MCC: variants seen among roughly 807,000 people sequenced by gnomAD.
The protein encoded by MCC is colorectal mutant cancer protein.
A neutral mutation model predicts 116.2 loss-of-function variants in MCC; 90 were observed. The observed-to-expected ratio is 0.77, with a 90% CI of 0.65 to 0.92. The LOEUF (loss-of-function observed/expected upper bound fraction) is 0.92. Among genes scored for constraint, MCC ranks in the 40% least tolerant of loss-of-function variants. The pLI, the probability that MCC is intolerant of heterozygous loss-of-function variation, is 0.00. For missense variants in MCC, 1,516 were observed against 1,312.2 expected (o/e 1.16, Z -2.40); for synonymous variants, 578 against 510.5 (o/e 1.13, Z -1.78).
At chr5:113,378,025 A>G (rs917654216) in intron 2 of MCC, among the ~76,000 whole-genome samples, 1 of 152,196 alleles carries the variant, frequency 6.6e-6, no homozygotes. Context: ...AATGAAATCT[A>G]ATAGTAGCAT....
At chr5:113,267,568 C>A (rs1268043204) in intron 3 of MCC, among the ~76,000 whole-genome samples, 1 of 152,160 alleles carries the variant, frequency 6.6e-6, no homozygotes, top group East Asian at 1.9e-4. Flanking sequence ...CACCTGATGG[C>A]CAAACCAAAA....
rs869214073 is a variant in MCC, at chr5:113,327,561, A to AATAT, written c.627+12954_627+12957dup. On this transcript the variant is annotated intron_variant, in intron 3 of 18. Transcript: ENST00000408903. ...ACTCAGTCTCAAAAAAAAAAAAAAA[A>AATAT]ATATATATATATATATATATATATA... Among the ~76,000 whole-genome samples, 184 of 80,530 alleles carry AATAT rather than the reference A, an allele frequency of 2.3e-3. 3 individuals are homozygous for AATAT. Among genetic ancestry groups the AATAT allele is most frequent in the South Asian group, 4.0e-3 (10 of 2,502 alleles). 52.8% of individuals were successfully genotyped at this position (80,530 alleles called of 152,430 possible).
At chr5:113,075,324 C>T (rs576755587) in intron 11 of MCC, among the ~76,000 whole-genome samples, 9 of 152,118 alleles carry the variant, frequency 5.9e-5, no homozygotes, top group Non-Finnish European at 1.3e-4. Context: ...CCCCTCACCC[C>T]CTGTGGGTTC....
At chr5:113,116,487 G>T (rs1287739155) in intron 6 of MCC, among the ~76,000 whole-genome samples, 1 of 152,098 alleles carries the variant, frequency 6.6e-6, no homozygotes, top group African/African-American at 2.4e-5. Flanking sequence ...AAAAGACATG[G>T]TCTATTTAGA....
chr5:113,226,125 A>G (rs57894745), intron 3 of MCC, among the ~76,000 whole-genome samples: 2,149 of 152,372 alleles, frequency 0.014, 56 homozygotes, highest in African/African-American at 0.05. Flanking sequence ...GCAGTGAGCC[A>G]CAATTGTGCC....
chr5:113,093,305 C>T (rs767358229), intron 8 of MCC, among the ~76,000 whole-genome samples: 4 of 152,074 alleles, frequency 2.6e-5, no homozygotes, highest in African/African-American at 4.8e-5. Context: ...CATGGTGGTG[C>T]GCACCTGTAG....
At chr5:113,254,607 GCCA>G (rs1764936997) in intron 3 of MCC, among the ~76,000 whole-genome samples, 1 of 152,132 alleles carries the variant, frequency 6.6e-6, no homozygotes, top group South Asian at 2.1e-4. Flanking sequence ...ATGATCCTAA[GCCA>G]CTAACCAAAT....
chr5:113,397,570 T>C (rs1157956096), intron 1 of MCC, among the ~76,000 whole-genome samples: 1 of 152,136 alleles, frequency 6.6e-6, no homozygotes, highest in African/African-American at 2.4e-5. Context: ...TATTGAAATA[T>C]AAGCTTTTTC....
At chr5:113,298,052 G>C (rs891068242) in intron 3 of MCC, among the ~76,000 whole-genome samples, 1 of 152,172 alleles carries the variant, frequency 6.6e-6, no homozygotes, top group Non-Finnish European at 1.5e-5. Context: ...GGTTGAGCTG[G>C]AGATGGAGGT....
At chr5:113,413,539 C>T (rs1027173883) in intron 1 of MCC, among the ~76,000 whole-genome samples, 1 of 152,118 alleles carries the variant, frequency 6.6e-6, no homozygotes, top group Non-Finnish European at 1.5e-5. Context: ...TTTGTTCTAG[C>T]TTTTCTAGTT....
rs956355181 is a variant in MCC, at chr5:113,385,231, A to C, written c.171-19T>G. The C allele has an allele frequency of 6.2e-7, 1 of 1,609,176 alleles. No individual in the cohort carries two copies. The highest frequency in any genetic ancestry group is 1.3e-5 in the African/African-American group (1 of 74,724). ...GTCATTTCTGCAGAAGGGGTTGAAC[A>C]GAAGAAAATGTGTTATGAGTGACAT... On this transcript the variant is annotated intron_variant, in intron 1 of 18. Coordinates refer to ENST00000408903, the MANE Select transcript of MCC (RefSeq NM_001085377.2).
intron 3 of MCC, among the ~76,000 whole-genome samples, chr5:113,184,488 T>G (rs1017131177): frequency 4.7e-5 from 7 of 148,978 alleles, no homozygotes; most frequent in African/African-American, 7.4e-5. Context: ...TGTTTTTTTT[T>G]TTTTTTTTTG....
rs567976050 is a variant in MCC at position 113,076,024 on chromosome 5, C to T, written c.1785-4790G>A. 2.6e-5 allele frequency among the ~76,000 whole-genome samples: 4 copies of T among 152,256 alleles called. No homozygotes were observed. In the East Asian group the frequency reaches 7.7e-4, roughly 29 times the overall value. ...CCCACCAGAAGGAAGAAACTCCGGACACGTCTGAACATCAGAAGGAACAAA... is the reference window on the plus strand; with the variant it reads ...CCCACCAGAAGGAAGAAACTCCGGATACGTCTGAACATCAGAAGGAACAAA... On this transcript the variant is annotated intron_variant, in intron 11 of 18. Transcript: ENST00000408903.
rs58617659 is a variant in MCC, at chr5:113,108,652, CAA to C, written c.1028-4299_1028-4298del. Among the ~76,000 whole-genome samples the C allele has an allele frequency of 8.7e-3, 1,003 of 115,290 alleles. 10 individuals are homozygous for C. Among genetic ancestry groups the C allele is most frequent in the African/African-American group, 0.023 (684 of 30,168 alleles). The allele number at this position is 115,290 out of a possible 152,430, so 75.6% of individuals were successfully genotyped here. On this transcript the variant is annotated intron_variant, in intron 6 of 18. Transcript: ENST00000408903. ...TGGGCAAGAGAGCGAGACTCCATTTCAAAAAAAAAAAAAAAAAAGGGAAGTAA... is the reference window on the plus strand; with the variant it reads ...TGGGCAAGAGAGCGAGACTCCATTTCAAAAAAAAAAAAAAAAGGGAAGTAA...
At chr5:113,258,687 T>C (rs1765112220) in intron 3 of MCC, among the ~76,000 whole-genome samples, 1 of 152,194 alleles carries the variant, frequency 6.6e-6, no homozygotes, top group Non-Finnish European at 1.5e-5. Flanking sequence ...GTCACTCACT[T>C]AGGAGAACTG....
chr5:113,401,751 T>C (rs975562264), intron 1 of MCC, among the ~76,000 whole-genome samples: 1 of 145,026 alleles, frequency 6.9e-6, no homozygotes, highest in Non-Finnish European at 1.5e-5. Flanking sequence ...ATGTGCAAAT[T>C]TCCCCAGGTT....
rs56780207 is a variant in MCC at position 113,108,331 on chromosome 5, T to TAA, written c.1028-3978_1028-3977dup. 1.5e-3 allele frequency among the ~76,000 whole-genome samples: 65 copies of TAA among 42,744 alleles called. 3 individuals are homozygous for TAA. The highest frequency in any genetic ancestry group is 9.3e-3 in the East Asian group (9 of 970). The allele number at this position is 42,744 out of a possible 152,430, so 28.0% of individuals were successfully genotyped here. ...CAGAGCAAGACGCAACACTCTATCT[T>TAA]AAAAAAAAAAAAAAAAAAAAAAAAA... On this transcript the variant is annotated intron_variant, in intron 6 of 18. Coordinates refer to ENST00000408903, the MANE Select transcript of MCC (RefSeq NM_001085377.2).
chr5:113,055,270 C>G lies in MCC; in HGVS notation c.2214-1311G>C, dbSNP rs1298396102. Among the ~76,000 whole-genome samples the G allele has an allele frequency of 2.0e-5, 3 of 152,256 alleles. No homozygotes were observed. The East Asian group carries it at 5.8e-4, about 29-fold the overall frequency. On this transcript the variant is annotated intron_variant, in intron 14 of 18. Transcript: ENST00000408903. ...TGTAGCTAGAAGCTATACCAGGGGCCACGAGTGATCTCCACAGGCCGCCAG... is the reference window on the plus strand; with the variant it reads ...TGTAGCTAGAAGCTATACCAGGGGCGACGAGTGATCTCCACAGGCCGCCAG...
chr5:113,438,304 C>T (rs950187165), intron 1 of MCC, among the ~76,000 whole-genome samples: 2 of 152,000 alleles, frequency 1.3e-5, no homozygotes, highest in African/African-American at 2.4e-5. Flanking sequence ...ATCTGCCGTA[C>T]GGTGAGTTGT....
Sources: gnomAD v4.1 joint callset for allele counts (sites outside exome capture counted in the v4.1 genomes callset) on GRCh38, gnomAD v4.1.1 for gene constraint, MANE v1.5 for transcripts, NCBI Gene and HGNC (gene_info 2026-07-23, HGNC 2026-07-21) for gene names.